The following MAGI1 variants were observed in gnomAD, a reference collection of about 807,000 sequenced individuals.
MAGI1 encodes the protein membrane associated guanylate kinase, WW and PDZ domain containing 1.
Under a neutral mutation model 139.9 loss-of-function variants are expected in MAGI1, and 58 were observed. That is an observed-to-expected ratio of 0.41 (90% CI 0.34 to 0.52). The LOEUF (loss-of-function observed/expected upper bound fraction) is 0.52. Among genes scored for constraint, MAGI1 ranks in the 20% least tolerant of loss-of-function variants. The pLI is 0.12. For synonymous variants in MAGI1, 812 were observed against 737.9 expected (o/e 1.10, Z -1.63); for missense variants, 1,874 against 1,901.6 (o/e 0.99, Z 0.27).
chr3:65,933,627 T>G (rs763008973), intron 1 of MAGI1, among the ~76,000 whole-genome samples: 10 of 152,094 alleles, frequency 6.6e-5, no homozygotes, highest in Non-Finnish European at 1.3e-4. Flanking sequence ...CATGAATATA[T>G]GGAGGTGAAA....
At chr3:65,959,798 C>CT (rs33978400) in intron 1 of MAGI1, among the ~76,000 whole-genome samples, 1,248 of 60,268 alleles carry the variant, frequency 0.021, 139 homozygotes, top group East Asian at 0.077. Flanking sequence ...TAAATTCTCT[C>CT]TTTTTTTTTT....
intron 1 of MAGI1, among the ~76,000 whole-genome samples, chr3:65,746,513 A>G (rs1229522417): frequency 1.3e-5 from 2 of 152,192 alleles, no homozygotes; most frequent in Admixed American, 6.5e-5. Flanking sequence ...ATAATTAGTC[A>G]TTTCCAGGAC....
intron 1 of MAGI1, among the ~76,000 whole-genome samples, chr3:65,936,435 C>G (rs1014008946): frequency 1.3e-5 from 2 of 151,936 alleles, no homozygotes; most frequent in Non-Finnish European, 2.9e-5. Flanking sequence ...GGCAGGAGTT[C>G]GAGACCAGCC....
chr3:65,391,254 G>C lies in MAGI1; in HGVS notation c.2304C>G (p.Pro768=). The part of the protein sequence containing the change: ...ASPSHSTQVL[P]EFPPAEAQAP... ...CTTGGGCCTCTGCAGGTGGGAACTC[G>C]GGGAGCACCTGTGTGCTGTGGCTTG... The change falls in exon 14 of 23, where the codon CCC becomes CCG. Residue 768 remains proline, a synonymous_variant. Transcript: ENST00000402939. The C allele has an allele frequency of 6.2e-7, 1 of 1,614,126 alleles. No individual in the cohort carries two copies. The highest frequency in any genetic ancestry group is 1.1e-5 in the South Asian group (1 of 91,074).
At position 65,885,676 on chromosome 3, in the gene MAGI1, G is replaced by A. The variant is rs1387976117; in HGVS notation, c.313+152320C>T. Among the ~76,000 whole-genome samples the A allele has an allele frequency of 2.6e-5, 4 of 152,176 alleles. No homozygotes were observed. The East Asian group carries it at 5.8e-4, about 22-fold the overall frequency. ...TATAAAGGGCAGTTCCCCTGCACAC[G>A]CTCTCTTGCCTGCCACCATGTAAGA... On this transcript the variant is annotated intron_variant, in intron 1 of 22. Transcript: ENST00000402939.
At chr3:65,847,708 C>A (rs1423881937) in intron 1 of MAGI1, among the ~76,000 whole-genome samples, 1 of 152,100 alleles carries the variant, frequency 6.6e-6, no homozygotes, top group Non-Finnish European at 1.5e-5. Flanking sequence ...TTTATTTATT[C>A]TTTTATGCTA....
At chr3:65,539,016 T>C (rs544549004) in intron 2 of MAGI1, among the ~76,000 whole-genome samples, 3 of 151,012 alleles carry the variant, frequency 2.0e-5, no homozygotes, top group African/African-American at 7.3e-5. Flanking sequence ...CCAACTACCA[T>C]CAAACAGACA....
chr3:65,427,587 G>T (rs1046854747), intron 12 of MAGI1, among the ~76,000 whole-genome samples: 1 of 152,298 alleles, frequency 6.6e-6, no homozygotes, highest in South Asian at 2.1e-4. Context: ...GATGTACCAA[G>T]AATTATTTGA....
intron 2 of MAGI1, among the ~76,000 whole-genome samples, chr3:65,507,513 G>A (rs927750984): frequency 7.9e-5 from 12 of 152,148 alleles, no homozygotes; most frequent in Non-Finnish European, 7.3e-5. Flanking sequence ...GGTGTTGTTC[G>A]TAACATGCTT....
intron 2 of MAGI1, among the ~76,000 whole-genome samples, chr3:65,587,806 G>C (rs548106328): frequency 6.6e-6 from 1 of 152,218 alleles, no homozygotes; most frequent in South Asian, 2.1e-4. Context: ...AAAGTTGAGA[G>C]ATTGAGTTGT....
At chr3:65,541,228 T>C (rs770726093) in intron 2 of MAGI1, among the ~76,000 whole-genome samples, 8 of 152,010 alleles carry the variant, frequency 5.3e-5, no homozygotes, top group Non-Finnish European at 8.8e-5. Context: ...CAGGAAGAAG[T>C]CGAATCCCTG....
At chr3:65,752,130 G>A (rs946057777) in intron 1 of MAGI1, among the ~76,000 whole-genome samples, 2 of 151,896 alleles carry the variant, frequency 1.3e-5, no homozygotes, top group African/African-American at 4.8e-5. Context: ...TGTATTTTTT[G>A]TACAAACAGG....
Position 65,379,409 on chromosome 3 carries a change from GC to G in MAGI1, c.2846del (p.Ser949ThrfsTer41). ...NTVSSGSGST[S>X]GIGSGGGGGS... is the part of the protein sequence containing the mutation. ...CCCCGCCGCCGCCACTGCCGATGCC[GC>G]TGGTGCTGCCGCTGCCCGAGCTCAC... On this transcript the variant is annotated frameshift_variant, in exon 17 of 23. Coordinates refer to ENST00000402939, the MANE Select transcript of MAGI1 (RefSeq NM_001033057.2). LOFTEE classifies it high-confidence loss of function. 1 of 1,613,172 alleles carries G rather than the reference GC, an allele frequency of 6.2e-7. No homozygotes were observed.
chr3:65,834,279 G>C (rs1010732442), intron 1 of MAGI1, among the ~76,000 whole-genome samples: 15 of 152,222 alleles, frequency 9.9e-5, no homozygotes, highest in Non-Finnish European at 2.2e-4. Context: ...TTAAAGCTCA[G>C]AATGAATCAT....
chr3:65,372,240 G>C (rs1942073704), intron 18 of MAGI1, among the ~76,000 whole-genome samples: 1 of 152,182 alleles, frequency 6.6e-6, no homozygotes, highest in Non-Finnish European at 1.5e-5. Flanking sequence ...GTGTTAGCAG[G>C]CATGAGAACA....
intron 1 of MAGI1, among the ~76,000 whole-genome samples, chr3:65,633,271 G>A (rs1037144430): frequency 6.6e-6 from 1 of 152,084 alleles, no homozygotes; most frequent in African/African-American, 2.4e-5. Context: ...CCAGACACGG[G>A]GTACCTCAAC....
chr3:65,485,326 T>C (rs11131028), intron 3 of MAGI1, among the ~76,000 whole-genome samples: 48,435 of 152,124 alleles, frequency 0.32, 9,358 homozygotes, highest in East Asian at 0.73. Flanking sequence ...TAAACCACTG[T>C]TCTATAATTA....
At chr3:66,005,422 G>A (rs1374900118) in intron 1 of MAGI1, among the ~76,000 whole-genome samples, 2 of 152,100 alleles carry the variant, frequency 1.3e-5, no homozygotes, top group Non-Finnish European at 1.5e-5. Flanking sequence ...TCAGACTTCT[G>A]GTTACATCAC....
chr3:65,638,379 C>T (rs2084768772), intron 1 of MAGI1, among the ~76,000 whole-genome samples: 1 of 151,826 alleles, frequency 6.6e-6, no homozygotes, highest in Non-Finnish European at 1.5e-5. Flanking sequence ...TGACAATGTA[C>T]AAAACAAATG....
Sources: allele counts gnomAD v4.1 joint callset (sites outside exome capture counted in the v4.1 genomes callset), GRCh38; gene constraint gnomAD v4.1.1; transcripts MANE v1.5; gene names NCBI Gene and HGNC (gene_info 2026-07-23, HGNC 2026-07-21).